The following OSBPL3 variants were observed in gnomAD, a reference collection of about 807,000 sequenced individuals.
OSBPL3 encodes the protein oxysterol binding protein like 3.
In OSBPL3, 65 loss-of-function variants were observed where a neutral mutation model predicts 120.1. The observed-to-expected ratio is 0.54, with a 90% CI of 0.44 to 0.67. OSBPL3 has a LOEUF of 0.67. Among genes scored for constraint, OSBPL3 ranks in the 30% least tolerant of loss-of-function variants. OSBPL3 has a pLI of 0.00. For missense variants in OSBPL3, 1,004 were observed against 1,082.1 expected (o/e 0.93, Z 1.01); for synonymous variants, 416 against 402.6 (o/e 1.03, Z -0.40).
chr7:24,816,865 G>A (rs1794540494), intron 17 of OSBPL3, among the ~76,000 whole-genome samples, 177 bp from the exon 18 acceptor site: 1 of 152,200 alleles, frequency 6.6e-6, no homozygotes, highest in Non-Finnish European at 1.5e-5. Flanking sequence ...GGCCCTTGGA[G>A]CAGAATCAGG....
At chr7:24,866,018 T>C (rs375905783) in intron 6 of OSBPL3, 52 bp downstream of exon 6, 1 of 1,499,874 alleles carries the variant, frequency 6.7e-7, no homozygotes, top group Admixed American at 1.7e-5. Flanking sequence ...CAGGACTCCA[T>C]GAAACAAAGC....
At position 24,854,691 on chromosome 7, in the gene OSBPL3, TG is replaced by T. The variant is rs572198484; in HGVS notation, c.1028-2058del. On this transcript the variant is annotated intron_variant, in intron 10 of 22. Coordinates refer to ENST00000313367, the MANE Select transcript of OSBPL3 (RefSeq NM_015550.4). This position sits in a 1 kb window ranked among gnomAD's most constrained non-coding sequence, Gnocchi z 4.1. The stretch of plus-strand genomic sequence containing the variant: ...GCAGGACAACAGAGTAATCAACAGC[TG>T]GGGCTCCACCATCAGCCCTGGATTC... 7.4e-3 allele frequency among the ~76,000 whole-genome samples: 1,130 copies of T among 152,296 alleles called. 7 individuals are homozygous for T. The highest frequency in any genetic ancestry group is 0.031 in the Middle Eastern group (9 of 294).
In OSBPL3 at chr7:24,817,686, C is replaced by T. The variant is rs559028502; in HGVS notation, c.1949-998G>A. Reference sequence around the variant, plus strand: ...GGAGTAGGAGAGAGGAGAAGCAAGGCGACAAGTTAAGAGGCTACTGCAATT... The same window carrying T: ...GGAGTAGGAGAGAGGAGAAGCAAGGTGACAAGTTAAGAGGCTACTGCAATT... On this transcript the variant is annotated intron_variant, in intron 17 of 22. Coordinates refer to ENST00000313367, the MANE Select transcript of OSBPL3 (RefSeq NM_015550.4). This position sits in a 1 kb window ranked among gnomAD's most constrained non-coding sequence, Gnocchi z 4.0. Among the ~76,000 whole-genome samples, 4 of 152,024 alleles carry T rather than the reference C, an allele frequency of 2.6e-5. No homozygotes were observed. The highest frequency in any genetic ancestry group is 3.9e-4 in the East Asian group (2 of 5,182).
At chr7:24,969,048 C>A (rs1024791034) in intron 1 of OSBPL3, among the ~76,000 whole-genome samples, 3 of 152,194 alleles carry the variant, frequency 2.0e-5, no homozygotes, top group African/African-American at 7.2e-5. Context: ...AGAGTGCATG[C>A]ATTTCCAATT....
At chr7:24,828,606 G>GAAAAAAGAAAAAAAAA (rs1491571662) in intron 16 of OSBPL3, among the ~76,000 whole-genome samples, 9 of 32,510 alleles carry the variant, frequency 2.8e-4, no homozygotes, top group Non-Finnish European at 4.7e-4. Flanking sequence ...GACTCTGTCT[G>GAAAAAAGAAAAAAAAA]AAAAAAAAAA....
At chr7:24,842,504 C>A in intron 12 of OSBPL3, 91 bp from the exon 13 acceptor site, 1 of 967,262 alleles carries the variant, frequency 1.0e-6, no homozygotes, top group South Asian at 1.6e-5. Context: ...TACACAAGGT[C>A]ACAGGCCCAT....
intron 1 of OSBPL3, among the ~76,000 whole-genome samples, chr7:24,971,399 G>A (rs1464638078): frequency 1.3e-5 from 2 of 152,228 alleles, no homozygotes; most frequent in African/African-American, 4.8e-5. Flanking sequence ...AGGCTGGAGA[G>A]GCAAGCCCGG....
At chr7:24,878,017 G>A (rs567656612) in intron 2 of OSBPL3, among the ~76,000 whole-genome samples, 6 of 152,312 alleles carry the variant, frequency 3.9e-5, no homozygotes, top group Admixed American at 3.9e-4. Flanking sequence ...AAGACAGTCT[G>A]GTGCTGTCAT....
rs889041885 is a variant in OSBPL3 at position 24,805,943 on chromosome 7, A to T, written c.2444+833T>A. 6.6e-6 allele frequency among the ~76,000 whole-genome samples: 1 copy of T among 152,170 alleles called. No homozygotes were observed. The highest frequency in any genetic ancestry group is 6.5e-5 in the Admixed American group (1 of 15,270). On this transcript the variant is annotated intron_variant, in intron 21 of 22. Coordinates refer to ENST00000313367, the MANE Select transcript of OSBPL3 (RefSeq NM_015550.4). The surrounding 1 kb of genome is among the most constrained non-coding windows in gnomAD (Gnocchi z 4.0). The stretch of plus-strand genomic sequence containing the variant: ...TATATAGTTTTATTTATTTTGCCAT[A>T]AAGAAGGGCTTAAGTTTGTTTGTTT...
Position 24,899,641 on chromosome 7 carries a change from T to C in OSBPL3, c.-149-7020A>G, listed in dbSNP as rs1584549356. Among the ~76,000 whole-genome samples the C allele has an allele frequency of 1.3e-5, 2 of 152,310 alleles. No individual in the cohort carries two copies. Among genetic ancestry groups the C allele is most frequent in the South Asian group, 4.1e-4 (2 of 4,826 alleles). ...AAGTAAATTATACTTGGAGATTTAG[T>C]AACGAGAAGAGCACCAAGGGCATGG... On this transcript the variant is annotated intron_variant, in intron 1 of 22. Coordinates refer to ENST00000313367, the MANE Select transcript of OSBPL3 (RefSeq NM_015550.4). The surrounding 1 kb of genome is among the most constrained non-coding windows in gnomAD (Gnocchi z 4.0).
rs75354196 is a variant in OSBPL3 at position 24,898,357 on chromosome 7, G to A, written c.-149-5736C>T. On this transcript the variant is annotated intron_variant, in intron 1 of 22. Coordinates refer to ENST00000313367, the MANE Select transcript of OSBPL3 (RefSeq NM_015550.4). The surrounding 1 kb of genome is among the most constrained non-coding windows in gnomAD (Gnocchi z 4.3). ...ATACCTGACTGTTTCTGGGAGAGGA[G>A]TACTAAGTTTCTGGGAGATGAGTAC... Among the ~76,000 whole-genome samples, 2,642 of 152,272 alleles carry A rather than the reference G, an allele frequency of 0.017. 73 individuals are homozygous for A. The highest frequency in any genetic ancestry group is 0.063 in the East Asian group (326 of 5,194).
In OSBPL3 at chr7:24,863,829, G is replaced by A. The variant is rs1215337752; in HGVS notation, c.674-230C>T. Reference sequence around the variant, plus strand: ...TCAGTTTGAATCCACTTAATGAACTGTAACTATTGAGAAAATTGCAAAACT... The same window carrying A: ...TCAGTTTGAATCCACTTAATGAACTATAACTATTGAGAAAATTGCAAAACT... On this transcript the variant is annotated intron_variant, in intron 7 of 22. Transcript: ENST00000313367. The surrounding 1 kb of genome is among the most constrained non-coding windows in gnomAD (Gnocchi z 5.8). 6.6e-6 allele frequency among the ~76,000 whole-genome samples: 1 copy of A among 152,126 alleles called. No homozygotes were observed. The highest frequency in any genetic ancestry group is 1.5e-5 in the Non-Finnish European group (1 of 68,028).
intron 14 of OSBPL3, among the ~76,000 whole-genome samples, chr7:24,838,739 C>T (rs1797324435): frequency 6.6e-6 from 1 of 152,198 alleles, no homozygotes; most frequent in African/African-American, 2.4e-5. Flanking sequence ...GTCAATCCTC[C>T]TCATCTACAG....
At chr7:24,950,648 A>G (rs1287626554) in intron 1 of OSBPL3, among the ~76,000 whole-genome samples, 3 of 152,194 alleles carry the variant, frequency 2.0e-5, no homozygotes, top group Non-Finnish European at 2.9e-5. Context: ...CACGAACCCA[A>G]GAGGCGAAGC....
chr7:24,959,086 T>TAGA lies in OSBPL3; in HGVS notation c.-150+20799_-150+20800insTCT, dbSNP rs1215473303. Among the ~76,000 whole-genome samples the TAGA allele has an allele frequency of 1.3e-5, 2 of 152,118 alleles. No homozygotes were observed. The highest frequency in any genetic ancestry group is 4.8e-5 in the African/African-American group (2 of 41,436). On this transcript the variant is annotated intron_variant, in intron 1 of 22. Transcript: ENST00000313367. This position sits in a 1 kb window ranked among gnomAD's most constrained non-coding sequence, Gnocchi z 4.3. ...CTAAAATAAAAAAGAAAAGAACAAG[T>TAGA]ACAGATGTAGAGCAACTAGAACTAT...
intron 1 of OSBPL3, among the ~76,000 whole-genome samples, chr7:24,893,721 A>T (rs1805696194): frequency 1.6e-5 from 2 of 128,944 alleles, no homozygotes; most frequent in South Asian, 5.7e-4. Context: ...CTGAGGCAGG[A>T]GAATCGCTTG....
Position 24,933,240 on chromosome 7 carries a change from C to T in OSBPL3, c.-149-40619G>A, listed in dbSNP as rs1190938946. The stretch of plus-strand genomic sequence containing the variant: ...TTCAAAGGAGAAAAGATCATGAGTA[C>T]CACCTGCAAACTCCCAAAAAGGCAG... On this transcript the variant is annotated intron_variant, in intron 1 of 22. Coordinates refer to ENST00000313367, the MANE Select transcript of OSBPL3 (RefSeq NM_015550.4). The surrounding 1 kb of genome is among the most constrained non-coding windows in gnomAD (Gnocchi z 5.1). Among the ~76,000 whole-genome samples the T allele has an allele frequency of 6.6e-6, 1 of 152,154 alleles. No homozygotes were observed. The highest frequency in any genetic ancestry group is 2.4e-5 in the African/African-American group (1 of 41,418).
chr7:24,963,640 G>A (rs1473945821), intron 1 of OSBPL3, among the ~76,000 whole-genome samples: 2 of 152,162 alleles, frequency 1.3e-5, no homozygotes, highest in African/African-American at 4.8e-5. Flanking sequence ...AGCATGGAGT[G>A]GTAAAAAAGG....
In OSBPL3 at chr7:24,966,786, C is replaced by A. The variant is rs894450295; in HGVS notation, c.-150+13100G>T. On this transcript the variant is annotated intron_variant, in intron 1 of 22. Transcript: ENST00000313367. This position sits in a 1 kb window ranked among gnomAD's most constrained non-coding sequence, Gnocchi z 4.8. ...AAGAACTGCTAGTACAAACACAACG[C>A]CTCTCTAAAGAGGCTGGGCTTGTTG... is the stretch of plus-strand genomic sequence containing the variant. Among the ~76,000 whole-genome samples, 3 of 152,218 alleles carry A rather than the reference C, an allele frequency of 2.0e-5. No individual in the cohort carries two copies. The highest frequency in any genetic ancestry group is 7.2e-5 in the African/African-American group (3 of 41,434).
Sources: gnomAD v4.1 joint callset for allele counts (sites outside exome capture counted in the v4.1 genomes callset) on GRCh38, gnomAD v4.1.1 for gene constraint, Gnocchi (gnomAD v3.1) non-coding constraint, MANE v1.5 for transcripts, NCBI Gene and HGNC (gene_info 2026-07-23, HGNC 2026-07-21) for gene names.